USP34: variants seen among roughly 807,000 people sequenced by gnomAD.
USP34 encodes ubiquitin carboxyl-terminal hydrolase 34.
Under a neutral mutation model 460.3 loss-of-function variants are expected in USP34, and 70 were observed. The ratio of observed to expected loss-of-function variants is 0.15; its 90% CI spans 0.13 to 0.19. The LOEUF (loss-of-function observed/expected upper bound fraction) is 0.19, where lower values mean the gene tolerates loss of function less well. Ranked by LOEUF, USP34 falls within the 10% of genes least tolerant of loss-of-function variation. USP34 has a pLI of 1.00. For missense variants in USP34, 3,985 were observed against 4,236.2 expected (o/e 0.94, Z 1.65); for synonymous variants, 1,647 against 1,405.3 (o/e 1.17, Z -3.85).
chr2:61,373,213 A>G (rs540432444), intron 8 of USP34, among the ~76,000 whole-genome samples: 1 of 151,866 alleles, frequency 6.6e-6, no homozygotes, highest in Non-Finnish European at 1.5e-5. Context: ...ACTAGAATCT[A>G]TATATATATA....
rs1414409551 is a variant in USP34, at chr2:61,300,785, G to C, written c.4128+166C>G. Among the ~76,000 whole-genome samples the C allele has an allele frequency of 3.5e-5, 5 of 141,274 alleles. No homozygotes were observed. The East Asian group carries it at 1.0e-3, about 29-fold the overall frequency. 92.7% of individuals were successfully genotyped at this position (141,274 alleles called of 152,430 possible). A position where few individuals can be genotyped will look rare whatever the true frequency, so the allele number is the denominator to read the frequency against. ...CACTCCAGCCTGGTCAACAGAGTGA[G>C]ATGCCGTCTCAAAAAAAGAAAACAA... On this transcript the variant is annotated intron_variant, in intron 29 of 79. Transcript: ENST00000398571.
chr2:61,256,254 A>G (rs547121641), intron 48 of USP34, 130 bp downstream of exon 48: 13 of 779,940 alleles, frequency 1.7e-5, no homozygotes, highest in Non-Finnish European at 2.7e-5. Context: ...TTGCTCCATG[A>G]GACTGAGCTC....
intron 8 of USP34, among the ~76,000 whole-genome samples, chr2:61,376,084 G>T (rs1417118220): frequency 3.3e-5 from 5 of 151,640 alleles, no homozygotes; most frequent in Admixed American, 6.6e-5. Flanking sequence ...ATGGGCAAAA[G>T]ACATCTTTTT....
In USP34 at chr2:61,293,560, A is replaced by G. The variant is rs769398227; in HGVS notation, c.4462-10T>C. The G allele has an allele frequency of 1.2e-6, 2 of 1,606,004 alleles. No homozygotes were observed. The highest frequency in any genetic ancestry group is 1.1e-5 in the South Asian group (1 of 90,236). ...CTCCAGCAGCAACAAACTGTAGGCA[A>G]TTGTGAAAGTAATAGTAAGAGAAAA... On this transcript the variant is annotated splice_polypyrimidine_tract_variant and intron_variant, in intron 32 of 79. Coordinates refer to ENST00000398571, the MANE Select transcript of USP34 (RefSeq NM_014709.4).
intron 75 of USP34, chr2:61,194,105 T>G (rs1686722761): frequency 1.0e-6 from 1 of 985,328 alleles, no homozygotes; most frequent in African/African-American, 1.7e-5. Context: ...AACCGTGGGT[T>G]AGACCAAGGA....
At chr2:61,470,400 C>G (rs1006269757) in intron 1 of USP34, among the ~76,000 whole-genome samples, 5 of 151,610 alleles carry the variant, frequency 3.3e-5, no homozygotes, top group African/African-American at 1.2e-4. Flanking sequence ...TTCCGAGAGC[C>G]CAGAGCGCCC....
At position 61,257,314 on chromosome 2, in the gene USP34, A is replaced by T; in HGVS notation, c.5881T>A (p.Cys1961Ser). The T allele has an allele frequency of 6.2e-7, 1 of 1,612,904 alleles. No homozygotes were observed. Among genetic ancestry groups the T allele is most frequent in the Non-Finnish European group, 8.5e-7 (1 of 1,179,438 alleles). ...TGCTTATCCATGGTGTATGTTTTACAGAAAGGTCTAGGATTATATGCTTTG... is the reference window on the plus strand; with the variant it reads ...TGCTTATCCATGGTGTATGTTTTACTGAAAGGTCTAGGATTATATGCTTTG... ...ECKAYNPRPFCKTYTMDKQPL... is the reference protein window; with the variant it reads ...ECKAYNPRPFSKTYTMDKQPL... Residue 1961 changes from cysteine to serine, a missense_variant, in exon 45 of 80, where the codon TGT (cysteine) becomes AGT (serine). Physicochemically the swap from Cys to Ser is moderately radical, Grantham distance 112 (BLOSUM62 -1). Coordinates refer to ENST00000398571, the MANE Select transcript of USP34 (RefSeq NM_014709.4).
chr2:61,302,697 C>CT (rs1690266661), intron 27 of USP34, among the ~76,000 whole-genome samples: 1 of 152,184 alleles, frequency 6.6e-6, no homozygotes, highest in African/African-American at 2.4e-5. Context: ...TATCATTTAA[C>CT]TAACAATTCC....
intron 72 of USP34, among the ~76,000 whole-genome samples, chr2:61,205,346 G>GA (rs1426747624): frequency 6.6e-6 from 1 of 152,132 alleles, no homozygotes; most frequent in African/African-American, 2.4e-5. Flanking sequence ...ACAGGCTATA[G>GA]GCAGTTTCTG....
chr2:61,395,743 G>A (rs1428953107), intron 3 of USP34, among the ~76,000 whole-genome samples: 13 of 126,484 alleles, frequency 1.0e-4, no homozygotes, highest in Non-Finnish European at 3.1e-5. Context: ...CGGAGATCGC[G>A]CCACAGCACT....
chr2:61,270,803 A>T (rs1418851725), intron 41 of USP34, among the ~76,000 whole-genome samples: 6 of 152,160 alleles, frequency 3.9e-5, no homozygotes, highest in Non-Finnish European at 8.8e-5. Context: ...TTTATATATA[A>T]AAATAATTTC....
At chr2:61,230,231 T>TA (rs900483466) in intron 58 of USP34, among the ~76,000 whole-genome samples, 10 of 152,086 alleles carry the variant, frequency 6.6e-5, no homozygotes, top group Non-Finnish European at 1.0e-4. Context: ...GCAGTCACTA[T>TA]AAAAAAACAG....
At chr2:61,292,525 GAAC>G (rs1284101427) in intron 33 of USP34, among the ~76,000 whole-genome samples, 3 of 152,172 alleles carry the variant, frequency 2.0e-5, no homozygotes, top group Non-Finnish European at 1.5e-5. Context: ...CACACTGGAA[GAAC>G]AACTGTCTTG....
In USP34 at chr2:61,434,768, A is replaced by AGGGG. The variant is rs36007708; in HGVS notation, c.44-13939_44-13936dup. Among the ~76,000 whole-genome samples the AGGGG allele has an allele frequency of 3.6e-4, 54 of 149,604 alleles. No homozygotes were observed. In the East Asian group the frequency reaches 5.1e-3, roughly 14 times the overall value. ...ATAAAATTTACTCCATAAAATTGAAAGGGGGGGGGTTCCAACAATGTGTAG... is the reference window on the plus strand; with the variant it reads ...ATAAAATTTACTCCATAAAATTGAAAGGGGGGGGGGGGGTTCCAACAATGTGTAG... On this transcript the variant is annotated intron_variant, in intron 1 of 79. Coordinates refer to ENST00000398571, the MANE Select transcript of USP34 (RefSeq NM_014709.4).
At chr2:61,270,761 G>C (rs1451314782) in intron 41 of USP34, among the ~76,000 whole-genome samples, 1 of 151,996 alleles carries the variant, frequency 6.6e-6, no homozygotes, top group African/African-American at 2.4e-5. Flanking sequence ...TATTACAGCA[G>C]CCTGAACAGA....
At chr2:61,310,572 C>T (rs1690558745) in intron 27 of USP34, among the ~76,000 whole-genome samples, 1 of 150,216 alleles carries the variant, frequency 6.7e-6, no homozygotes, top group Non-Finnish European at 1.5e-5. Flanking sequence ...TATATATATT[C>T]TTACATTATA....
intron 27 of USP34, among the ~76,000 whole-genome samples, chr2:61,303,646 G>A (rs565045485): frequency 6.6e-6 from 1 of 151,844 alleles, no homozygotes; most frequent in South Asian, 2.1e-4. Flanking sequence ...GCCCACGCTG[G>A]AGTGCAGTGG....
At chr2:61,360,657 A>G (rs981444154) in intron 10 of USP34, among the ~76,000 whole-genome samples, 1 of 152,170 alleles carries the variant, frequency 6.6e-6, no homozygotes, top group Non-Finnish European at 1.5e-5. Context: ...CAAAATCTCA[A>G]TGGCAGTCTT....
intron 41 of USP34, among the ~76,000 whole-genome samples, chr2:61,273,016 A>T (rs548552136): frequency 2.0e-5 from 3 of 152,224 alleles, no homozygotes; most frequent in Non-Finnish European, 2.9e-5. Context: ...ACCAACAATA[A>T]GTCAATTTCA....
Sources: gnomAD v4.1 joint callset for allele counts (sites outside exome capture counted in the v4.1 genomes callset) on GRCh38, gnomAD v4.1.1 for gene constraint, MANE v1.5 for transcripts, NCBI Gene and HGNC (gene_info 2026-07-23, HGNC 2026-07-21) for gene names.